EDNRB: variants seen among roughly 807,000 people sequenced by gnomAD.
EDNRB encodes the protein Hirschsprung disease 2.
A neutral mutation model predicts 46.4 loss-of-function variants in EDNRB; 18 were observed. The ratio of observed to expected loss-of-function variants is 0.39; its 90% CI spans 0.27 to 0.57. EDNRB has a LOEUF of 0.57. EDNRB is among the 20% of genes least tolerant of loss of function. EDNRB has a pLI of 0.61. For synonymous variants in EDNRB, 213 were observed against 204.9 expected (o/e 1.04, Z -0.34); for missense variants, 434 against 537.5 (o/e 0.81, Z 1.90).
intron 1 of EDNRB, among the ~76,000 whole-genome samples, chr13:77,973,937 CT>C (rs56943468): frequency 0.24 from 34,598 of 143,156 alleles, 4,641 homozygotes; most frequent in East Asian, 0.53. Flanking sequence ...CCCTTTTTTC[CT>C]TTTTTTTTTT....
chr13:77,959,875 G>A (rs1010007013), intron 1 of EDNRB, among the ~76,000 whole-genome samples: 9 of 152,236 alleles, frequency 5.9e-5, no homozygotes, highest in Non-Finnish European at 1.3e-4. Context: ...CATGGCACAA[G>A]AACTACGTGA....
At chr13:77,919,562 C>G, upstream of EDNRB, 1 of 1,612,358 alleles carries the variant, frequency 6.2e-7, no homozygotes, top group Non-Finnish European at 8.5e-7. Context: ...GACAGTGTAG[C>G]CTCCACCGTT....
At chr13:77,914,067 T>C (rs1879700617) in intron 1 of EDNRB, among the ~76,000 whole-genome samples, 1 of 152,250 alleles carries the variant, frequency 6.6e-6, no homozygotes, top group African/African-American at 2.4e-5. Context: ...TGAGATATTA[T>C]ATAAAATAGT....
intron 1 of EDNRB, among the ~76,000 whole-genome samples, chr13:77,974,468 A>T (rs1309197553): frequency 6.6e-6 from 1 of 152,118 alleles, no homozygotes; most frequent in Non-Finnish European, 1.5e-5. Flanking sequence ...GTAGTATTGG[A>T]GTGTTACAGG....
chr13:77,926,416 A>G (rs1880238888), intron 1 of EDNRB, among the ~76,000 whole-genome samples: 2 of 152,176 alleles, frequency 1.3e-5, no homozygotes, highest in South Asian at 4.1e-4. Flanking sequence ...CAGATACCCT[A>G]AATCACCTCT....
At chr13:77,964,164 T>C (rs1048346612) in intron 1 of EDNRB, among the ~76,000 whole-genome samples, 2 of 152,270 alleles carry the variant, frequency 1.3e-5, no homozygotes, top group Non-Finnish European at 1.5e-5. Flanking sequence ...CACTTTTACA[T>C]TGTTGGTGGG....
intron 1 of EDNRB, among the ~76,000 whole-genome samples, chr13:77,949,011 C>T (rs2137672473): frequency 6.6e-6 from 1 of 152,306 alleles, no homozygotes; most frequent in Non-Finnish European, 1.5e-5. Context: ...AAGATAATGT[C>T]TACACATCTC....
chr13:77,962,630 A>C (rs943866568), intron 1 of EDNRB, among the ~76,000 whole-genome samples: 2 of 152,208 alleles, frequency 1.3e-5, no homozygotes, highest in African/African-American at 2.4e-5. Context: ...TCAAAATCAT[A>C]AGAGCTATTT....
chr13:77,897,035 T>C lies in EDNRB; in HGVS notation c.*1165A>G, dbSNP rs2137596739. The C allele has an allele frequency of 1.0e-6, 1 of 987,122 alleles. No homozygotes were observed. The highest frequency in any genetic ancestry group is 4.7e-5 in the South Asian group (1 of 21,398). The allele number at this position is 987,122 out of a possible 1,614,324, so 61.1% of individuals were successfully genotyped here. On this transcript the variant is annotated 3_prime_UTR_variant, in exon 7 of 7. Transcript: ENST00000646607. ...TAGCTGTTAAATGTACTAATCTGTA[T>C]GATTTTGAAAAATAGTATTTTAACT...
intron 1 of EDNRB, among the ~76,000 whole-genome samples, chr13:77,912,102 A>G (rs1012126631): frequency 2.4e-4 from 36 of 152,140 alleles, no homozygotes; most frequent in African/African-American, 8.7e-4. Context: ...CCTGGAGACA[A>G]CAGGGTCTTG....
chr13:77,954,967 C>CT (rs1881195404), intron 1 of EDNRB, among the ~76,000 whole-genome samples: 1 of 152,096 alleles, frequency 6.6e-6, no homozygotes, highest in Non-Finnish European at 1.5e-5. Context: ...GATTCCAATT[C>CT]TTTTAGATAC....
chr13:77,901,340 A>G, intron 3 of EDNRB, 133 bp from the exon 4 acceptor site: 1 of 934,824 alleles, frequency 1.1e-6, no homozygotes, highest in Non-Finnish European at 1.6e-6. Flanking sequence ...TATATCATAC[A>G]GAATCTTTCA....
chr13:77,902,540 T>C (rs1687942206), intron 3 of EDNRB, among the ~76,000 whole-genome samples: 1 of 151,968 alleles, frequency 6.6e-6, no homozygotes, highest in African/African-American at 2.4e-5. Context: ...CCACCTGCTC[T>C]GACCTTAGTC....
Position 77,918,374 on chromosome 13 carries a change from G to A in EDNRB, c.200C>T (p.Ala67Val). ...GTCTCCTTTAGGCACCTCCGCAGGT[G>A]CCAACGACCGCGCCAGACTGGCGTT... ...GSNASLARSL[A>V]PAEVPKGDRT... Residue 67 changes from alanine to valine, a missense_variant, in exon 1 of 7, where the codon GCA (alanine) becomes GTA (valine). Physicochemically the swap from Ala to Val is moderately conservative, Grantham distance 64. Coordinates refer to ENST00000646607, the MANE Select transcript of EDNRB (RefSeq NM_001122659.3). This position sits in a 1 kb window ranked among gnomAD's most constrained non-coding sequence, Gnocchi z 4.5. 2 of 1,591,982 alleles carry A rather than the reference G, an allele frequency of 1.3e-6. No individual in the cohort carries two copies. The highest frequency in any genetic ancestry group is 2.7e-5 in the African/African-American group (2 of 74,052).
rs1879934925 is a variant in EDNRB at position 77,918,492 on chromosome 13, C to G, written c.82G>C (p.Glu28Gln). The change falls in exon 1 of 7, where the codon GAG (glutamate) becomes CAG (glutamine). Residue 28 changes from glutamate (E) to glutamine (Q), a missense_variant. Transcript: ENST00000646607. The surrounding 1 kb of genome is among the most constrained non-coding windows in gnomAD (Gnocchi z 4.5). ...GCCCTGTCAGGCGGGAAGCCTCTCTCCTCTCCCCAGATCCGCGACAGGCCG... is the reference window on the plus strand; with the variant it reads ...GCCCTGTCAGGCGGGAAGCCTCTCTGCTCTCCCCAGATCCGCGACAGGCCG... ...ACGLSRIWGE[E>Q]RGFPPDRATP... 2 of 1,570,320 alleles carry G rather than the reference C, an allele frequency of 1.3e-6. No homozygotes were observed.
intron 1 of EDNRB, among the ~76,000 whole-genome samples, chr13:77,950,375 T>A (rs1414475100): frequency 6.6e-6 from 1 of 152,048 alleles, no homozygotes; most frequent in Non-Finnish European, 1.5e-5. Flanking sequence ...CAGGGAGTGG[T>A]GGGTATAGTG....
At chr13:77,962,108 T>C (rs1362598926) in intron 1 of EDNRB, among the ~76,000 whole-genome samples, 2 of 152,124 alleles carry the variant, frequency 1.3e-5, no homozygotes, top group African/African-American at 2.4e-5. Context: ...AATAGACCAA[T>C]AACAGGCTCT....
At position 77,896,898 on chromosome 13, in the gene EDNRB, C is replaced by T. The variant is rs1381062477; in HGVS notation, c.*1302G>A. The T allele has an allele frequency of 6.8e-5, 68 of 1,000,212 alleles. No homozygotes were observed. The highest frequency in any genetic ancestry group is 9.2e-5 in the South Asian group (2 of 21,820). 62.0% of individuals were successfully genotyped at this position (1,000,212 alleles called of 1,614,324 possible). ...AACGCACAAAGCTAAGAGGTTCTTA[C>T]GGTCTCAAAAAGCAGTTTTGCCTCT... On this transcript the variant is annotated 3_prime_UTR_variant, in exon 7 of 7. Coordinates refer to ENST00000646607, the MANE Select transcript of EDNRB (RefSeq NM_001122659.3).
chr13:77,897,102 T>C lies in EDNRB; in HGVS notation c.*1098A>G, dbSNP rs1315730057. On this transcript the variant is annotated 3_prime_UTR_variant, in exon 7 of 7. Transcript: ENST00000646607. ...GCTAGAAACCATTTTAACCACAGCA[T>C]GGGTGAGAGAGGGTGCTACCTGCCC... 4 of 985,702 alleles carry C rather than the reference T, an allele frequency of 4.1e-6. No individual in the cohort carries two copies. The highest frequency in any genetic ancestry group is 4.8e-6 in the Non-Finnish European group (4 of 830,292). The allele number at this position is 985,702 out of a possible 1,614,324, so 61.1% of individuals were successfully genotyped here. A position where few individuals can be genotyped will look rare whatever the true frequency, so the allele number is the denominator to read the frequency against.
Sources: gnomAD v4.1 joint callset for allele counts (sites outside exome capture counted in the v4.1 genomes callset) on GRCh38, gnomAD v4.1.1 for gene constraint, Gnocchi (gnomAD v3.1) non-coding constraint, MANE v1.5 for transcripts, NCBI Gene and HGNC (gene_info 2026-07-23, HGNC 2026-07-21) for gene names.